Variants in ZC3H12B observed in about 807,000 individuals in gnomAD.
The protein encoded by ZC3H12B is probable ribonuclease ZC3H12B.
A neutral mutation model predicts 43.9 loss-of-function variants in ZC3H12B; 7 were observed. The observed-to-expected ratio is 0.16, with a 90% CI of 0.09 to 0.30. ZC3H12B has a LOEUF of 0.30. Ranked by LOEUF, ZC3H12B falls within the 10% of genes least tolerant of loss-of-function variation. ZC3H12B has a pLI of 1.00. For synonymous variants in ZC3H12B, 222 were observed against 241.7 expected, an observed-to-expected ratio of 0.92 and a Z score of 0.76; for missense variants, 475 against 670.2, an observed-to-expected ratio of 0.71 and a Z score of 3.22.
At chrX:65,328,521 C>CT in the ZC3H12B span, 2,286 of 178,249 alleles carry the variant, frequency 0.013, 10 homozygotes, top group Non-Finnish European at 0.015. Flanking sequence ...TCCTCATTTT[C>CT]TTTTTTTTTT....
the ZC3H12B span, among the ~76,000 whole-genome samples, chrX:65,255,018 A>T: frequency 4.5e-5 from 5 of 111,660 alleles, no homozygotes; most frequent in African/African-American, 1.6e-4. Context: ...AAAATAAAAA[A>T]TAAATAAAGA....
the ZC3H12B span, among the ~76,000 whole-genome samples, chrX:65,058,618 T>G: frequency 0.14 from 15,966 of 111,603 alleles, 2,743 homozygotes; most frequent in African/African-American, 0.49. Flanking sequence ...GACAGGGACA[T>G]TTAAGTCTGC....
the ZC3H12B span, among the ~76,000 whole-genome samples, chrX:65,163,845 A>G: frequency 1.8e-5 from 2 of 111,890 alleles, no homozygotes. Flanking sequence ...AAATTCAGAA[A>G]TCACGCATCT....
chrX:65,180,769 C>A, the ZC3H12B span, among the ~76,000 whole-genome samples: 14 of 110,046 alleles, frequency 1.3e-4, no homozygotes, highest in Non-Finnish European at 2.3e-4. Flanking sequence ...AGAGAGGACC[C>A]AAAGAAGTTG....
At chrX:65,284,249 C>A in the ZC3H12B span, among the ~76,000 whole-genome samples, 29 of 83,507 alleles carry the variant, frequency 3.5e-4, no homozygotes, top group African/African-American at 1.3e-3. Flanking sequence ...CACACACACA[C>A]ACAAAAAAAA....
the ZC3H12B span, among the ~76,000 whole-genome samples, chrX:65,171,469 AG>A: frequency 9.0e-6 from 1 of 111,137 alleles, no homozygotes; most frequent in Non-Finnish European, 1.9e-5. Context: ...GGTGTCTATA[AG>A]TTAGGCTACT....
rs925162590 is a variant in ZC3H12B at position 65,482,223 on chromosome X, C to T, written n.408-6423C>T. Among the ~76,000 whole-genome samples the T allele has an allele frequency of 1.8e-5, 2 of 110,507 alleles. 1 individual carries two copies. ...CAATTTAATATAAGTTATAGAATGA[C>T]ATAGCCATATTTCCCTATAGCTTTT... On this transcript the variant is annotated intron_variant and non_coding_transcript_variant, in intron 3 of 5. Transcript: ENST00000617377.
At chrX:65,046,662 T>G in the ZC3H12B span, among the ~76,000 whole-genome samples, 1 of 111,907 alleles carries the variant, frequency 8.9e-6, no homozygotes, top group Non-Finnish European at 1.9e-5. Flanking sequence ...TTAATTTCCT[T>G]TAAGAACTTT....
chrX:65,095,193 A>G, the ZC3H12B span, among the ~76,000 whole-genome samples: 3 of 112,016 alleles, frequency 2.7e-5, no homozygotes, highest in Non-Finnish European at 5.6e-5. Context: ...AGATTACAAA[A>G]TGGATCTGTA....
At chrX:65,207,304 T>C in the ZC3H12B span, among the ~76,000 whole-genome samples, 1 of 107,243 alleles carries the variant, frequency 9.3e-6, no homozygotes, top group Non-Finnish European at 1.9e-5. Flanking sequence ...TACTCACCCA[T>C]AAAAAGGAAT....
the ZC3H12B span, among the ~76,000 whole-genome samples, chrX:65,101,934 AG>A: frequency 8.9e-6 from 1 of 112,408 alleles, no homozygotes; most frequent in Non-Finnish European, 1.9e-5. Context: ...CAACAAGAAA[AG>A]AAAAGTTTTA....
the ZC3H12B span, among the ~76,000 whole-genome samples, chrX:65,200,355 G>A: frequency 1.9e-5 from 2 of 105,117 alleles, no homozygotes; most frequent in African/African-American, 7.0e-5. Context: ...TTACACCTTT[G>A]TCAAATATAC....
the ZC3H12B span, among the ~76,000 whole-genome samples, chrX:65,299,696 C>T: frequency 4.5e-5 from 5 of 112,292 alleles, no homozygotes; most frequent in Non-Finnish European, 9.4e-5. Context: ...ACAGACAGAG[C>T]AGTGTGTGGA....
At chrX:65,152,325 A>G in the ZC3H12B span, among the ~76,000 whole-genome samples, 1 of 111,678 alleles carries the variant, frequency 9.0e-6, no homozygotes, top group Non-Finnish European at 1.9e-5. Flanking sequence ...TTGTATATCT[A>G]GAAAACCCCA....
the ZC3H12B span, among the ~76,000 whole-genome samples, chrX:65,324,950 A>G: frequency 1.8e-5 from 2 of 110,849 alleles, no homozygotes; most frequent in Non-Finnish European, 3.8e-5. Context: ...CTTTAGTATT[A>G]ATATTTAGGT....
the ZC3H12B span, among the ~76,000 whole-genome samples, chrX:65,183,552 A>C: frequency 1.8e-5 from 2 of 111,762 alleles, no homozygotes; most frequent in African/African-American, 3.2e-5. Flanking sequence ...CCTGAAATAA[A>C]AGTTAAGAAA....
At chrX:65,411,134 G>A (rs1406479991) in intron 3 of ZC3H12B, among the ~76,000 whole-genome samples, 1 of 112,308 alleles carries the variant, frequency 8.9e-6, no homozygotes, top group African/African-American at 3.2e-5. Context: ...CCATAAAAAT[G>A]AGATCCTGTC....
the ZC3H12B span, among the ~76,000 whole-genome samples, chrX:65,268,380 A>C: frequency 8.9e-6 from 1 of 111,950 alleles, no homozygotes; most frequent in Non-Finnish European, 1.9e-5. Context: ...CAAAAAAGAG[A>C]GCTACAGGGA....
chrX:65,317,624 A>T, the ZC3H12B span, among the ~76,000 whole-genome samples: 20 of 108,838 alleles, frequency 1.8e-4, no homozygotes, highest in Admixed American at 7.0e-4. Context: ...GTGAGAACAT[A>T]CGATGTTTGG....
Sources: allele counts gnomAD v4.1 joint callset (sites outside exome capture counted in the v4.1 genomes callset), GRCh38; gene constraint gnomAD v4.1.1; transcripts MANE v1.5; gene names NCBI Gene and HGNC (gene_info 2026-07-23, HGNC 2026-07-21).